The following FGGY variants were observed in gnomAD, a reference collection of about 807,000 sequenced individuals.
FGGY encodes the protein FGGY carbohydrate kinase domain containing, also known as FGGY carbohydrate kinase domain-containing protein.
A neutral mutation model predicts 71.3 loss-of-function variants in FGGY; 72 were observed. The ratio of observed to expected loss-of-function variants is 1.01; its 90% confidence interval spans 0.84 to 1.23. FGGY has a LOEUF of 1.23. FGGY is among the 50% of genes most tolerant of loss of function. The probability of loss-of-function intolerance (pLI) is 0.00; values close to 1 mark genes in which losing one functional copy is unlikely to be tolerated. For missense variants in FGGY, 668 were observed against 682.3 expected (o/e 0.98, Z 0.23); for synonymous variants, 251 against 250.3 (o/e 1.00, Z -0.02).
At chr1:59,702,277 A>C (rs1558847273) in intron 14 of FGGY, among the ~76,000 whole-genome samples, 1 of 152,186 alleles carries the variant, frequency 6.6e-6, no homozygotes, top group Non-Finnish European at 1.5e-5. Flanking sequence ...ATAAAGCCAA[A>C]AGGCATTTTT....
intron 11 of FGGY, among the ~76,000 whole-genome samples, chr1:59,643,588 AGGG>A (rs1460671882): frequency 6.6e-6 from 1 of 152,200 alleles, no homozygotes; most frequent in Admixed American, 6.5e-5. Flanking sequence ...AATGAGAAAA[AGGG>A]GGAAATGGCA....
intron 14 of FGGY, among the ~76,000 whole-genome samples, chr1:59,711,026 G>A (rs2097790000): frequency 6.6e-6 from 1 of 151,874 alleles, no homozygotes. Flanking sequence ...CAATAGCAAA[G>A]ACTTGGAGCC....
intron 8 of FGGY, among the ~76,000 whole-genome samples, chr1:59,557,734 T>C (rs1478855048): frequency 6.6e-6 from 1 of 152,094 alleles, no homozygotes; most frequent in Non-Finnish European, 1.5e-5. Flanking sequence ...TGAAAAGTCA[T>C]GGGGTAAGAT....
Position 59,762,595 on chromosome 1 carries a change from C to A in FGGY, c.*11C>A. 1 of 1,609,756 alleles carries A rather than the reference C, an allele frequency of 6.2e-7. No individual in the cohort carries two copies. The highest frequency in any genetic ancestry group is 1.1e-5 in the South Asian group (1 of 90,718). ...ATGAATGATGACTGAACAGGGCTTG[C>A]AGGTGCTGATGCCAGAAGCTTCTGT... On this transcript the variant is annotated 3_prime_UTR_variant, in exon 16 of 16. Transcript: ENST00000303721.
chr1:59,405,527 G>A (rs747250456), intron 5 of FGGY, among the ~76,000 whole-genome samples: 2 of 152,168 alleles, frequency 1.3e-5, no homozygotes, highest in Non-Finnish European at 2.9e-5. Context: ...CATTGTAGGG[G>A]CTTAGTGGTA....
chr1:59,543,351 GT>G lies in FGGY; in HGVS notation c.800-10772del, dbSNP rs1414817579. On this transcript the variant is annotated intron_variant, in intron 7 of 15. Transcript: ENST00000303721. ...CGTTTCTAGTCTCCTGGGAGTAGTG[GT>G]GGCAGGCGAGGGATAGAATCAACAT... Among the ~76,000 whole-genome samples the G allele has an allele frequency of 1.6e-4, 25 of 152,310 alleles. 1 individual carries two copies. Among genetic ancestry groups the G allele is most frequent in the African/African-American group, 5.8e-4 (24 of 41,570 alleles).
At chr1:59,616,609 T>G (rs566386536) in intron 9 of FGGY, among the ~76,000 whole-genome samples, 1 of 152,288 alleles carries the variant, frequency 6.6e-6, no homozygotes, top group East Asian at 1.9e-4. Flanking sequence ...TGTGCACATG[T>G]ACCCTAAAAC....
intron 1 of FGGY, among the ~76,000 whole-genome samples, chr1:59,321,020 C>T (rs1351405428): frequency 4.6e-5 from 7 of 152,224 alleles, no homozygotes; most frequent in Non-Finnish European, 2.9e-5. Flanking sequence ...ATGTAAATAG[C>T]CTCACCTTCT....
chr1:59,687,617 C>T (rs2097554897), intron 14 of FGGY, among the ~76,000 whole-genome samples: 1 of 151,590 alleles, frequency 6.6e-6, no homozygotes, highest in South Asian at 2.1e-4. Flanking sequence ...CAGGTACCCA[C>T]CACCACACCT....
At chr1:59,297,252 CCG>C (rs1160691353) in intron 1 of FGGY, 102 bp downstream of exon 1, 2 of 152,498 alleles carry the variant, frequency 1.3e-5, no homozygotes, top group Non-Finnish European at 2.9e-5. Context: ...TGCTTCCTCT[CCG>C]ATCAGTGCCC....
intron 8 of FGGY, among the ~76,000 whole-genome samples, chr1:59,579,352 C>A (rs1168447744): frequency 6.6e-6 from 1 of 152,128 alleles, no homozygotes; most frequent in Non-Finnish European, 1.5e-5. Flanking sequence ...AAGACACCAT[C>A]TGTAGAGTAT....
chr1:59,648,686 C>T (rs1021772926), intron 11 of FGGY, among the ~76,000 whole-genome samples: 34 of 150,514 alleles, frequency 2.3e-4, no homozygotes, highest in Non-Finnish European at 4.6e-4. Flanking sequence ...AAATTTTCAC[C>T]CATTTTGTAG....
chr1:59,584,706 A>G (rs892917374), intron 8 of FGGY, among the ~76,000 whole-genome samples: 1 of 149,988 alleles, frequency 6.7e-6, no homozygotes, highest in African/African-American at 2.5e-5. Context: ...AGGGTATTCA[A>G]TTAGGAAAAG....
intron 8 of FGGY, among the ~76,000 whole-genome samples, chr1:59,588,552 A>T (rs2096359982): frequency 6.6e-6 from 1 of 152,200 alleles, no homozygotes; most frequent in African/African-American, 2.4e-5. Flanking sequence ...AGGGCGGGTT[A>T]CCCACAAAGG....
chr1:59,640,352 C>T (rs950011673), intron 11 of FGGY, among the ~76,000 whole-genome samples: 3 of 152,286 alleles, frequency 2.0e-5, no homozygotes, highest in African/African-American at 7.2e-5. Context: ...TGAAATTCTT[C>T]TGTTATGTTA....
At chr1:59,708,243 C>A (rs1386669238) in intron 14 of FGGY, among the ~76,000 whole-genome samples, 2 of 152,152 alleles carry the variant, frequency 1.3e-5, no homozygotes, top group South Asian at 2.1e-4. Flanking sequence ...CCCATCTATT[C>A]TTTTCCTCCC....
intron 5 of FGGY, among the ~76,000 whole-genome samples, chr1:59,449,113 C>T (rs144294144): frequency 2.0e-5 from 3 of 152,156 alleles, no homozygotes; most frequent in African/African-American, 4.8e-5. Context: ...TAGCTGAGTT[C>T]GAGTTGCCTT....
intron 1 of FGGY, among the ~76,000 whole-genome samples, chr1:59,297,729 A>G (rs187262134): frequency 1.4e-5 from 2 of 145,916 alleles, no homozygotes; most frequent in Non-Finnish European, 3.1e-5. Flanking sequence ...AGGCTGAGGC[A>G]GGAGAATAGC....
chr1:59,437,617 A>G (rs1001054132), intron 5 of FGGY, among the ~76,000 whole-genome samples: 1 of 152,248 alleles, frequency 6.6e-6, no homozygotes, highest in Non-Finnish European at 1.5e-5. Context: ...ATAAATTTAC[A>G]GAATGCAGCT....
Sources: gnomAD v4.1 joint callset for allele counts (sites outside exome capture counted in the v4.1 genomes callset) on GRCh38, gnomAD v4.1.1 for gene constraint, MANE v1.5 for transcripts, NCBI Gene and HGNC (gene_info 2026-07-23, HGNC 2026-07-21) for gene names.